BUD23: variants seen among roughly 807,000 people sequenced by gnomAD.
BUD23 encodes the protein 18S rRNA (guanine-N(7))-methyltransferase.
Under a neutral mutation model 47.0 loss-of-function variants are expected in BUD23, and 34 were observed. The ratio of observed to expected loss-of-function variants is 0.72; its 90% CI spans 0.55 to 0.96. The LOEUF (loss-of-function observed/expected upper bound fraction) is 0.96. BUD23 is among the 40% of genes least tolerant of loss of function. The probability of loss-of-function intolerance (pLI) is 0.00; values close to 1 mark genes in which losing one functional copy is unlikely to be tolerated. For synonymous variants in BUD23, 124 were observed against 132.0 expected (o/e 0.94, Z 0.41); for missense variants, 343 against 361.2 (o/e 0.95, Z 0.41).
chr7:73,685,591 G>A (rs1295242919), intron 2 of BUD23, among the ~76,000 whole-genome samples: 2 of 152,094 alleles, frequency 1.3e-5, no homozygotes, highest in African/African-American at 2.4e-5. Flanking sequence ...ATTTTTTTGT[G>A]GAGAGGGAGT....
At chr7:73,696,389 A>G (rs1554614862) in intron 10 of BUD23, 1 of 152,150 alleles carries the variant, frequency 6.6e-6, no homozygotes, top group Non-Finnish European at 1.5e-5. Context: ...ACATTGCCTT[A>G]TCTCCATGTG....
In BUD23 at chr7:73,684,068, A is replaced by G. The variant is rs1464226567; in HGVS notation, c.86+264A>G. 49 of 1,277,706 alleles carry G rather than the reference A, an allele frequency of 3.8e-5. No individual in the cohort carries two copies. In the Admixed American group the frequency reaches 1.2e-3, roughly 30 times the overall value. The allele number at this position is 1,277,706 out of a possible 1,614,324, so 79.1% of individuals were successfully genotyped here. ...TCGAATGTGACAATTTGTCCTAAACATGTGGTAAAAGAGGCGCTGGGCGGT... is the reference window on the plus strand; with the variant it reads ...TCGAATGTGACAATTTGTCCTAAACGTGTGGTAAAAGAGGCGCTGGGCGGT... On this transcript the variant is annotated intron_variant, in intron 2 of 11. Transcript: ENST00000265758.
rs1798489916 is a variant in BUD23 at position 73,697,856 on chromosome 7, C to T, written c.816C>T (p.Tyr272=). Residue 272 remains tyrosine (Y), a synonymous_variant, in exon 12 of 12, where the codon TAC becomes TAT. Transcript: ENST00000265758. Reference sequence around the variant, plus strand: ...GGGAAGTCAGACCTGACACCCAGTACACCGGCCGCAAGCGCAAGCCCCGCT... The same window carrying T: ...GGGAAGTCAGACCTGACACCCAGTATACCGGCCGCAAGCGCAAGCCCCGCT... ...QGREVRPDTQ[Y]TGRKRKPRF is the part of the protein sequence containing the mutation. 6.2e-7 allele frequency: 1 copy of T among 1,613,950 alleles called. No homozygotes were observed. The highest frequency in any genetic ancestry group is 8.5e-7 in the Non-Finnish European group (1 of 1,179,986).
chr7:73,684,330 CAG>C (rs1554612425), intron 2 of BUD23, among the ~76,000 whole-genome samples: 2 of 151,574 alleles, frequency 1.3e-5, no homozygotes, highest in African/African-American at 2.4e-5. Flanking sequence ...CGCTTGAGCT[CAG>C]GGGTTCGAGA....
intron 2 of BUD23, among the ~76,000 whole-genome samples, chr7:73,684,152 T>C (rs576101435): frequency 3.9e-5 from 6 of 151,982 alleles, no homozygotes; most frequent in Non-Finnish European, 5.9e-5. Flanking sequence ...GTAGGATGCT[T>C]ATCGTGGCGC....
intron 2 of BUD23, among the ~76,000 whole-genome samples, chr7:73,685,818 C>T (rs1797944244): frequency 1.3e-5 from 2 of 151,708 alleles, no homozygotes; most frequent in Admixed American, 1.3e-4. Flanking sequence ...AGAGGCCGGG[C>T]GCGGTGGCTC....
At chr7:73,684,880 C>G (rs1458400438) in intron 2 of BUD23, among the ~76,000 whole-genome samples, 3 of 124,078 alleles carry the variant, frequency 2.4e-5, no homozygotes, top group Non-Finnish European at 3.1e-5. Context: ...GCCGACATCA[C>G]GGCACTGCAC....
chr7:73,687,626 C>G (rs782319180), intron 5 of BUD23, among the ~76,000 whole-genome samples: 11 of 150,386 alleles, frequency 7.3e-5, no homozygotes, highest in Non-Finnish European at 1.5e-4. Context: ...GTTGCTCAGG[C>G]GATCCACACA....
At chr7:73,695,202 T>G (rs1798353943) in intron 10 of BUD23, 1 of 152,280 alleles carries the variant, frequency 6.6e-6, no homozygotes, top group Non-Finnish European at 1.5e-5. Context: ...TCCCCCTGTC[T>G]CGGCCTCCCA....
intron 10 of BUD23, chr7:73,697,070 T>C (rs1798434242): frequency 4.0e-6 from 1 of 252,540 alleles, no homozygotes; most frequent in Non-Finnish European, 7.8e-6. Context: ...TGGCAGCTCC[T>C]TGGCTTGCCC....
rs375675260 is a variant in BUD23 at position 73,689,259 on chromosome 7, G to A, written c.363-1657G>A. Among the ~76,000 whole-genome samples the A allele has an allele frequency of 1.3e-3, 205 of 152,264 alleles. 6 individuals carry two copies. The South Asian group carries it at 0.037, about 28-fold the overall frequency. On this transcript the variant is annotated intron_variant, in intron 5 of 11. Transcript: ENST00000265758. ...AGATGGGGTTTCACCATGTTGGCCA[G>A]GCTGGTCTTGAACTCCTGACTTCAT...
intron 11 of BUD23, 42 bp downstream of exon 11, chr7:73,697,736 G>C: frequency 3.7e-6 from 6 of 1,609,926 alleles, no homozygotes; most frequent in Non-Finnish European, 5.1e-6. Flanking sequence ...GTGGGGGGTG[G>C]ATGACTATTG....
intron 2 of BUD23, among the ~76,000 whole-genome samples, chr7:73,685,108 G>A (rs892632645): frequency 2.0e-5 from 3 of 151,902 alleles, no homozygotes; most frequent in African/African-American, 4.8e-5. Flanking sequence ...GGAATTCCGA[G>A]ACCAACCTGG....
intron 5 of BUD23, among the ~76,000 whole-genome samples, chr7:73,689,085 T>C (rs879992480): frequency 3.3e-5 from 5 of 152,188 alleles, no homozygotes; most frequent in Admixed American, 2.6e-4. Flanking sequence ...ATTCTTACTG[T>C]ATTGTCCAGA....
intron 10 of BUD23, 33 bp from the exon 11 acceptor site, chr7:73,697,572 G>A: frequency 1.2e-6 from 2 of 1,613,262 alleles, no homozygotes; most frequent in Non-Finnish European, 1.7e-6. Flanking sequence ...TCCATCAGCT[G>A]TCCATCAGCT....
chr7:73,685,072 G>A (rs1554612720), intron 2 of BUD23, among the ~76,000 whole-genome samples: 2 of 151,800 alleles, frequency 1.3e-5, no homozygotes, highest in East Asian at 1.9e-4. Flanking sequence ...TGTGGGAGGC[G>A]GAGGTGGACG....
chr7:73,688,291 G>T (rs1299613821), intron 5 of BUD23, among the ~76,000 whole-genome samples: 1 of 152,032 alleles, frequency 6.6e-6, no homozygotes, highest in Admixed American at 6.5e-5. Context: ...GGCGGAGGTT[G>T]CAGTGAGCCG....
At chr7:73,691,439 C>T (rs973353486) in intron 6 of BUD23, among the ~76,000 whole-genome samples, 1 of 152,162 alleles carries the variant, frequency 6.6e-6, no homozygotes, top group African/African-American at 2.4e-5. Context: ...TCACTTATCC[C>T]TCCTCCTAGT....
At position 73,697,895 on chromosome 7, in the gene BUD23, G is replaced by C; in HGVS notation, c.*9G>C. On this transcript the variant is annotated 3_prime_UTR_variant, in exon 12 of 12. Coordinates refer to ENST00000265758, the MANE Select transcript of BUD23 (RefSeq NM_017528.5). ...GCAAGCCCCGCTTCTAAGTCACCAC[G>C]CGGTTCTGGAAAGGCACTTGCCTCT... 1.2e-6 allele frequency: 2 copies of C among 1,612,546 alleles called. No individual in the cohort carries two copies. Among genetic ancestry groups the C allele is most frequent in the East Asian group, 4.5e-5 (2 of 44,880 alleles).
Sources: allele counts gnomAD v4.1 joint callset (sites outside exome capture counted in the v4.1 genomes callset), GRCh38; gene constraint gnomAD v4.1.1; transcripts MANE v1.5; gene names NCBI Gene and HGNC (gene_info 2026-07-23, HGNC 2026-07-21).